The following RORA variants were observed in gnomAD, a reference collection of about 807,000 sequenced individuals.
The protein encoded by RORA is nuclear receptor ROR-alpha.
In RORA, 7 loss-of-function variants were observed where a neutral mutation model predicts 69.5. The ratio of observed to expected loss-of-function variants is 0.10; its 90% confidence interval spans 0.06 to 0.19. The LOEUF (loss-of-function observed/expected upper bound fraction) is 0.19, where lower values mean the gene tolerates loss of function less well. Among genes scored for constraint, RORA ranks in the 10% least tolerant of loss-of-function variants. The probability of loss-of-function intolerance (pLI) is 1.00; values close to 1 mark genes in which losing one functional copy is unlikely to be tolerated. For synonymous variants in RORA, 261 were observed against 240.8 expected (o/e 1.08, Z -0.78); for missense variants, 457 against 663.0 (o/e 0.69, Z 3.41).
chr15:60,775,804 C>T (rs548628919), intron 1 of RORA, among the ~76,000 whole-genome samples: 1 of 152,180 alleles, frequency 6.6e-6, no homozygotes, highest in Admixed American at 6.5e-5. Flanking sequence ...GGACATCAAA[C>T]CTCTTTAGGT....
intron 1 of RORA, among the ~76,000 whole-genome samples, chr15:60,766,638 T>C (rs1317452736): frequency 2.0e-5 from 3 of 150,810 alleles, no homozygotes; most frequent in Non-Finnish European, 4.4e-5. Flanking sequence ...TGCTGTTTAA[T>C]AGATTGCCAA....
At chr15:61,150,083 C>T (rs141752350) in intron 1 of RORA, among the ~76,000 whole-genome samples, 2 of 152,254 alleles carry the variant, frequency 1.3e-5, no homozygotes, top group East Asian at 3.9e-4. Flanking sequence ...TGGTTAAACT[C>T]CTTTCTATGT....
chr15:60,784,301 C>G (rs1369335178), intron 1 of RORA, among the ~76,000 whole-genome samples: 2 of 152,104 alleles, frequency 1.3e-5, no homozygotes, highest in East Asian at 3.8e-4. Context: ...TATTGGCCTC[C>G]CCAAATGTTA....
In RORA at chr15:60,548,818, T is replaced by C. The variant is rs111877842; in HGVS notation, c.197-16967A>G. Among the ~76,000 whole-genome samples the C allele has an allele frequency of 2.2e-3, 342 of 152,216 alleles. 1 individual carries two copies. Among genetic ancestry groups the C allele is most frequent in the African/African-American group, 8.0e-3 (334 of 41,526 alleles). ...ATGCCTGGCTAATTTTTTGTATTTT[T>C]AGTAGAGACAGGGTTTCACCGTGGT... is the stretch of plus-strand genomic sequence containing the variant. On this transcript the variant is annotated intron_variant, in intron 2 of 10. Coordinates refer to ENST00000335670, the MANE Select transcript of RORA (RefSeq NM_134261.3).
At chr15:60,823,953 AG>A (rs1358142485) in intron 1 of RORA, among the ~76,000 whole-genome samples, 1 of 152,220 alleles carries the variant, frequency 6.6e-6, no homozygotes, top group African/African-American at 2.4e-5. Flanking sequence ...GAAATAATAA[AG>A]TTTAAAACAT....
chr15:60,738,555 G>T (rs907137147), intron 1 of RORA, among the ~76,000 whole-genome samples: 2 of 152,188 alleles, frequency 1.3e-5, no homozygotes, highest in South Asian at 2.1e-4. Context: ...TACATTTTAT[G>T]ATATCGTTGG....
intron 1 of RORA, among the ~76,000 whole-genome samples, chr15:61,046,404 G>A (rs959769233): frequency 1.3e-5 from 2 of 152,154 alleles, no homozygotes; most frequent in African/African-American, 4.8e-5. Flanking sequence ...TGGGGAGACA[G>A]CCAGCAGGTT....
chr15:60,889,814 T>C (rs999063905), intron 1 of RORA, among the ~76,000 whole-genome samples: 18 of 152,246 alleles, frequency 1.2e-4, no homozygotes, highest in African/African-American at 4.3e-4. Flanking sequence ...TAAATTTCTA[T>C]GTATGAACTC....
intron 1 of RORA, among the ~76,000 whole-genome samples, chr15:60,804,899 A>T (rs1382475931): frequency 6.6e-6 from 1 of 152,210 alleles, no homozygotes; most frequent in African/African-American, 2.4e-5. Flanking sequence ...AGAAACCTAA[A>T]ATTCACATTT....
intron 1 of RORA, among the ~76,000 whole-genome samples, chr15:60,695,630 C>A (rs1038073060): frequency 2.0e-5 from 3 of 152,082 alleles, no homozygotes; most frequent in Non-Finnish European, 2.9e-5. Flanking sequence ...AAGTCATCAC[C>A]CTGATGCCAA....
At chr15:60,684,990 G>A (rs1302255538) in intron 1 of RORA, among the ~76,000 whole-genome samples, 1 of 152,156 alleles carries the variant, frequency 6.6e-6, no homozygotes, top group Non-Finnish European at 1.5e-5. Context: ...CTTAGGACTA[G>A]GTTTATAGTA....
chr15:60,913,969 T>A (rs1891801034), intron 1 of RORA, among the ~76,000 whole-genome samples: 1 of 152,218 alleles, frequency 6.6e-6, no homozygotes, highest in Non-Finnish European at 1.5e-5. Flanking sequence ...TTTCTGTTAA[T>A]GTCTGTCTCC....
intron 1 of RORA, among the ~76,000 whole-genome samples, chr15:60,927,999 C>A (rs775938188): frequency 3.9e-5 from 6 of 152,130 alleles, no homozygotes; most frequent in Non-Finnish European, 7.4e-5. Context: ...TTGTTTGGGG[C>A]CCGTGCTTTC....
intron 1 of RORA, among the ~76,000 whole-genome samples, chr15:60,710,699 T>C (rs8027032): frequency 0.27 from 40,937 of 151,974 alleles, 6,144 homozygotes; most frequent in East Asian, 0.67. Context: ...CACATTCTCA[T>C]GGCTGCAACC....
intron 1 of RORA, among the ~76,000 whole-genome samples, chr15:61,080,256 C>A (rs1186102288): frequency 6.6e-6 from 1 of 152,182 alleles, no homozygotes; most frequent in African/African-American, 2.4e-5. Flanking sequence ...CTAATCTAAA[C>A]CTCCATTCCC....
chr15:60,741,401 A>G (rs1000222467), intron 1 of RORA, among the ~76,000 whole-genome samples: 12 of 152,300 alleles, frequency 7.9e-5, no homozygotes, highest in African/African-American at 2.9e-4. Context: ...TCAACAGGCC[A>G]TGGGCTTCAG....
intron 1 of RORA, among the ~76,000 whole-genome samples, chr15:60,891,310 G>C (rs963162194): frequency 2.0e-5 from 3 of 152,228 alleles, no homozygotes; most frequent in African/African-American, 4.8e-5. Context: ...TGTGCACATT[G>C]TGTGTGTGCA....
chr15:60,513,927 C>A (rs969165210), intron 4 of RORA, among the ~76,000 whole-genome samples: 1 of 152,218 alleles, frequency 6.6e-6, no homozygotes, highest in Non-Finnish European at 1.5e-5. Context: ...ACCCGCTGTG[C>A]TTTCTGCCCA....
chr15:60,946,521 C>A (rs569504072), intron 1 of RORA, among the ~76,000 whole-genome samples: 1 of 152,222 alleles, frequency 6.6e-6, no homozygotes, highest in Non-Finnish European at 1.5e-5. Context: ...CTGCCAGCTT[C>A]GGCCTCCCGA....
Sources: allele counts gnomAD v4.1 joint callset (sites outside exome capture counted in the v4.1 genomes callset), GRCh38; gene constraint gnomAD v4.1.1; transcripts MANE v1.5; gene names NCBI Gene and HGNC (gene_info 2026-07-23, HGNC 2026-07-21).